The following KIAA0825 variants were observed in gnomAD, a reference collection of about 807,000 sequenced individuals.
The protein encoded by KIAA0825 is uncharacterized protein KIAA0825.
KIAA0825 carries 119 observed loss-of-function variants against 147.6 expected under a neutral mutation model. The observed-to-expected ratio is 0.81, with a 90% CI of 0.69 to 0.94. The LOEUF (loss-of-function observed/expected upper bound fraction) is 0.94. Among genes scored for constraint, KIAA0825 ranks in the 40% least tolerant of loss-of-function variants. The pLI is 0.00. For missense variants in KIAA0825, 1,381 were observed against 1,472.7 expected (o/e 0.94, Z 1.02); for synonymous variants, 470 against 518.1 (o/e 0.91, Z 1.26).
intron 8 of KIAA0825, among the ~76,000 whole-genome samples, chr5:94,472,871 A>T (rs1425825127): frequency 6.6e-6 from 1 of 152,236 alleles, no homozygotes; most frequent in Admixed American, 6.5e-5. Flanking sequence ...TTCAAAGCAC[A>T]TATGGAGATG....
At chr5:94,269,550 G>A (rs1290215720) in intron 20 of KIAA0825, among the ~76,000 whole-genome samples, 1 of 152,016 alleles carries the variant, frequency 6.6e-6, no homozygotes, top group Non-Finnish European at 1.5e-5. Context: ...TAAACAATAT[G>A]TTTCTGAGGG....
At chr5:94,197,727 A>T (rs1771270146) in intron 20 of KIAA0825, among the ~76,000 whole-genome samples, 1 of 152,058 alleles carries the variant, frequency 6.6e-6, no homozygotes, top group African/African-American at 2.4e-5. Flanking sequence ...TTACTGAATG[A>T]GTTCTTTCCT....
chr5:94,545,190 C>T (rs1438786506), intron 2 of KIAA0825, among the ~76,000 whole-genome samples: 1 of 152,142 alleles, frequency 6.6e-6, no homozygotes, highest in Non-Finnish European at 1.5e-5. Context: ...GGGAATCTCC[C>T]ATCCCAGCGA....
intron 1 of KIAA0825, among the ~76,000 whole-genome samples, chr5:94,607,735 G>GT (rs1341456656): frequency 6.6e-6 from 1 of 152,192 alleles, no homozygotes; most frequent in Admixed American, 6.5e-5. Flanking sequence ...AGTTGTCTAG[G>GT]TCAGAAGTCT....
intron 20 of KIAA0825, among the ~76,000 whole-genome samples, chr5:94,164,585 G>C (rs894689150): frequency 1.3e-5 from 2 of 151,906 alleles, no homozygotes; most frequent in Non-Finnish European, 2.9e-5. Flanking sequence ...CTAATTTTTT[G>C]TATTTTTAGT....
chr5:94,574,507 G>A (rs568882937), intron 2 of KIAA0825, among the ~76,000 whole-genome samples: 1 of 120,278 alleles, frequency 8.3e-6, no homozygotes, highest in East Asian at 2.8e-4. Flanking sequence ...TCATGCCGTT[G>A]TACTCCAGCC....
intron 3 of KIAA0825, among the ~76,000 whole-genome samples, chr5:94,536,133 T>C (rs1771960122): frequency 6.6e-6 from 1 of 152,198 alleles, no homozygotes; most frequent in Non-Finnish European, 1.5e-5. Flanking sequence ...TGTTTTTAAG[T>C]ATAATTCTCC....
chr5:94,567,852 C>T (rs1301720596), intron 2 of KIAA0825: 2 of 155,404 alleles, frequency 1.3e-5, no homozygotes, highest in Non-Finnish European at 2.8e-5. Context: ...GAAGGCCCTA[C>T]CCCCATCTCA....
chr5:94,374,469 C>T (rs1395668592), intron 20 of KIAA0825, among the ~76,000 whole-genome samples: 1 of 152,140 alleles, frequency 6.6e-6, no homozygotes, highest in Non-Finnish European at 1.5e-5. Context: ...CTGTGGTAGC[C>T]ACAGAATTGT....
intron 20 of KIAA0825, among the ~76,000 whole-genome samples, chr5:94,215,225 T>C (rs1267667824): frequency 2.0e-5 from 3 of 152,120 alleles, no homozygotes; most frequent in African/African-American, 7.2e-5. Context: ...AAAATAAATC[T>C]GAATCTATTA....
At chr5:94,466,368 C>A (rs1048288373) in intron 10 of KIAA0825, among the ~76,000 whole-genome samples, 1 of 152,052 alleles carries the variant, frequency 6.6e-6, no homozygotes, top group African/African-American at 2.4e-5. Context: ...ATGTCAGAGT[C>A]GAGTTCAAAT....
At chr5:94,226,145 A>G (rs1774143239) in intron 20 of KIAA0825, among the ~76,000 whole-genome samples, 1 of 152,240 alleles carries the variant, frequency 6.6e-6, no homozygotes, top group Non-Finnish European at 1.5e-5. Context: ...AGAATCTACA[A>G]AGAACTTAAA....
In KIAA0825 at chr5:94,484,874, C is replaced by T. The variant is rs754099690; in HGVS notation, c.1027G>A (p.Glu343Lys). 11 of 1,536,860 alleles carry T rather than the reference C, an allele frequency of 7.2e-6. No individual in the cohort carries two copies. The highest frequency in any genetic ancestry group is 2.4e-5 in the South Asian group (2 of 82,332). The change falls in exon 6 of 21, where the codon GAA becomes AAA. Residue 343 changes from glutamate to lysine, a missense_variant. Coordinates refer to ENST00000682413, the MANE Select transcript of KIAA0825 (RefSeq NM_001145678.3). ...RNFSLPLDKV[E>K]FLSQLIKSFM... is the part of the protein sequence containing the mutation. ...GATTTTATGAGCTGCGATAAGAATT[C>T]GACTTTGTCTAAAGGGAGAGAGAAG... is the stretch of plus-strand genomic sequence containing the variant.
chr5:94,243,386 C>T (rs1775452323), intron 20 of KIAA0825, among the ~76,000 whole-genome samples: 1 of 152,154 alleles, frequency 6.6e-6, no homozygotes, highest in African/African-American at 2.4e-5. Context: ...TGCTGTTTGG[C>T]TTCATATCCT....
At chr5:94,546,495 C>T (rs1364754024) in intron 2 of KIAA0825, among the ~76,000 whole-genome samples, 3 of 150,106 alleles carry the variant, frequency 2.0e-5, no homozygotes, top group Non-Finnish European at 4.4e-5. Flanking sequence ...TTACCCCACC[C>T]CCAGCTCCAG....
At chr5:94,286,579 G>A (rs1777672597) in intron 20 of KIAA0825, among the ~76,000 whole-genome samples, 1 of 151,824 alleles carries the variant, frequency 6.6e-6, no homozygotes. Context: ...TAGAGACTGG[G>A]TCTTGCTCTG....
At chr5:94,224,466 A>C (rs888633649) in intron 20 of KIAA0825, among the ~76,000 whole-genome samples, 7 of 152,110 alleles carry the variant, frequency 4.6e-5, no homozygotes, top group Non-Finnish European at 1.0e-4. Context: ...GAAAATTTCT[A>C]TCAGAGGAGA....
intron 16 of KIAA0825, among the ~76,000 whole-genome samples, chr5:94,396,755 C>A (rs573385381): frequency 7.7e-4 from 116 of 150,680 alleles, no homozygotes; most frequent in African/African-American, 2.5e-3. Flanking sequence ...AATTTATATT[C>A]TTATCTTTCA....
In KIAA0825 at chr5:94,156,333, C is replaced by A. The variant is rs539611438; in HGVS notation, c.3711-2209G>T. 3.3e-5 allele frequency among the ~76,000 whole-genome samples: 5 copies of A among 152,196 alleles called. No homozygotes were observed. In the East Asian group the frequency reaches 9.6e-4, roughly 29 times the overall value. The stretch of plus-strand genomic sequence containing the variant: ...TATTTTACTTTCCAAAAAATATTGC[C>A]CAAATTGTGCTAGATATTACATAAA... On this transcript the variant is annotated intron_variant, in intron 20 of 20. Coordinates refer to ENST00000682413, the MANE Select transcript of KIAA0825 (RefSeq NM_001145678.3).
Sources: gnomAD v4.1 joint callset for allele counts (sites outside exome capture counted in the v4.1 genomes callset) on GRCh38, gnomAD v4.1.1 for gene constraint, MANE v1.5 for transcripts, NCBI Gene and HGNC (gene_info 2026-07-23, HGNC 2026-07-21) for gene names.